CADM2: variants seen among roughly 807,000 people sequenced by gnomAD.
The protein encoded by CADM2 is immunoglobulin superfamily member 4D.
Under a neutral mutation model 49.8 loss-of-function variants are expected in CADM2, and 12 were observed. The ratio of observed to expected loss-of-function variants is 0.24; its 90% CI spans 0.15 to 0.39. The LOEUF is 0.39. Among genes scored for constraint, CADM2 ranks in the 10% least tolerant of loss-of-function variants. The probability of loss-of-function intolerance (pLI) is 1.00; values close to 1 mark genes in which losing one functional copy is unlikely to be tolerated. For missense variants in CADM2, 378 were observed against 492.3 expected (o/e 0.77, Z 2.20); for synonymous variants, 214 against 175.4 (o/e 1.22, Z -1.74).
At chr3:85,809,593 G>C (rs1165720540) in intron 3 of CADM2, among the ~76,000 whole-genome samples, 1 of 151,948 alleles carries the variant, frequency 6.6e-6, no homozygotes, top group Non-Finnish European at 1.5e-5. Flanking sequence ...AGGGAAACTT[G>C]AGTTTTCTTA....
chr3:85,085,482 C>T (rs1440025190), intron 1 of CADM2, among the ~76,000 whole-genome samples: 1 of 151,938 alleles, frequency 6.6e-6, no homozygotes, highest in Non-Finnish European at 1.5e-5. Flanking sequence ...TGTGTACACA[C>T]CACATTTTCT....
chr3:85,268,527 A>G (rs1411003488), intron 1 of CADM2, among the ~76,000 whole-genome samples: 3 of 151,522 alleles, frequency 2.0e-5, no homozygotes, highest in Admixed American at 1.3e-4. Flanking sequence ...TAAATTGAAG[A>G]TTTTACTACT....
chr3:85,964,478 A>G (rs1257619035), intron 8 of CADM2, among the ~76,000 whole-genome samples: 1 of 151,736 alleles, frequency 6.6e-6, no homozygotes, highest in Non-Finnish European at 1.5e-5. Flanking sequence ...ATTTAAGTGC[A>G]CTATTAAGCA....
At chr3:85,118,640 G>A (rs1254665381) in intron 1 of CADM2, among the ~76,000 whole-genome samples, 1 of 152,102 alleles carries the variant, frequency 6.6e-6, no homozygotes, top group Non-Finnish European at 1.5e-5. Flanking sequence ...GGGAATTGTG[G>A]GAGCTACAAT....
chr3:85,369,526 T>C (rs1207232692), intron 1 of CADM2, among the ~76,000 whole-genome samples: 3 of 152,108 alleles, frequency 2.0e-5, no homozygotes, highest in Non-Finnish European at 4.4e-5. Flanking sequence ...CCCAGCACTT[T>C]GGGAGGCTGA....
At chr3:85,134,557 T>A (rs1475410662) in intron 1 of CADM2, among the ~76,000 whole-genome samples, 1 of 152,240 alleles carries the variant, frequency 6.6e-6, no homozygotes, top group African/African-American at 2.4e-5. Flanking sequence ...CAGAGTTGGT[T>A]ATACATGTTT....
intron 1 of CADM2, among the ~76,000 whole-genome samples, chr3:85,326,785 A>G (rs1157479512): frequency 6.6e-6 from 1 of 152,124 alleles, no homozygotes; most frequent in Non-Finnish European, 1.5e-5. Flanking sequence ...AACACTGAAA[A>G]TATTGGATTT....
At chr3:85,546,074 A>G (rs150110760) in intron 1 of CADM2, among the ~76,000 whole-genome samples, 1 of 152,272 alleles carries the variant, frequency 6.6e-6, no homozygotes, top group East Asian at 1.9e-4. Context: ...AGCTCCTCAT[A>G]CAGTAATACC....
intron 8 of CADM2, among the ~76,000 whole-genome samples, chr3:86,030,500 T>C (rs1051567349): frequency 5.9e-5 from 9 of 152,016 alleles, no homozygotes; most frequent in Admixed American, 5.3e-4. Context: ...ATTTCATATT[T>C]ACTCTTCCTT....
At chr3:85,109,177 G>A (rs1423367960) in intron 1 of CADM2, among the ~76,000 whole-genome samples, 1 of 151,972 alleles carries the variant, frequency 6.6e-6, no homozygotes, top group East Asian at 1.9e-4. Context: ...ATGGTTGTAT[G>A]CAAACAAATA....
At chr3:85,478,108 A>G (rs1000709024) in intron 1 of CADM2, among the ~76,000 whole-genome samples, 3 of 151,942 alleles carry the variant, frequency 2.0e-5, no homozygotes, top group African/African-American at 7.2e-5. Flanking sequence ...CATTTCATGG[A>G]CATCTAAACC....
At chr3:85,668,274 C>A (rs2065630570) in intron 1 of CADM2, among the ~76,000 whole-genome samples, 2 of 103,580 alleles carry the variant, frequency 1.9e-5, no homozygotes, top group African/African-American at 4.4e-5. Context: ...ACAGAATAAT[C>A]ATGTTTTCCT....
At chr3:85,490,636 A>T (rs2039632799) in intron 1 of CADM2, among the ~76,000 whole-genome samples, 1 of 152,134 alleles carries the variant, frequency 6.6e-6, no homozygotes, top group Non-Finnish European at 1.5e-5. Flanking sequence ...AATTAATTCC[A>T]GTACTGCTTT....
chr3:84,975,930 TGGG>T (rs536650117), intron 1 of CADM2, among the ~76,000 whole-genome samples: 95 of 151,970 alleles, frequency 6.3e-4, no homozygotes, highest in South Asian at 2.9e-3. Flanking sequence ...GAGTTTAGAA[TGGG>T]GGCTCTGCTT....
At chr3:85,235,238 C>A (rs2107822506) in intron 1 of CADM2, among the ~76,000 whole-genome samples, 1 of 152,184 alleles carries the variant, frequency 6.6e-6, no homozygotes. Flanking sequence ...CACTGAATAT[C>A]TCTTGATCAC....
chr3:86,047,380 C>A (rs1736807036), intron 8 of CADM2, among the ~76,000 whole-genome samples: 1 of 152,080 alleles, frequency 6.6e-6, no homozygotes, highest in African/African-American at 2.4e-5. Flanking sequence ...CAGATGGAAG[C>A]TTTTATCATA....
intron 3 of CADM2, among the ~76,000 whole-genome samples, chr3:85,870,134 C>CT (rs1553700037): frequency 6.6e-6 from 1 of 152,090 alleles, no homozygotes; most frequent in South Asian, 2.1e-4. Flanking sequence ...GCAGCACTGA[C>CT]TTGGTATTTT....
chr3:85,741,827 T>G (rs2068405227), intron 2 of CADM2, among the ~76,000 whole-genome samples: 1 of 152,258 alleles, frequency 6.6e-6, no homozygotes, highest in South Asian at 2.1e-4. Context: ...TGGAACTTAT[T>G]TATTTTCCTT....
chr3:85,263,047 C>T (rs1014620111), intron 1 of CADM2, among the ~76,000 whole-genome samples: 2 of 151,886 alleles, frequency 1.3e-5, no homozygotes, highest in African/African-American at 2.4e-5. Context: ...GGCTGTAGTG[C>T]AGTGGCGCGA....
Sources: allele counts gnomAD v4.1 joint callset (sites outside exome capture counted in the v4.1 genomes callset), GRCh38; gene constraint gnomAD v4.1.1; transcripts MANE v1.5; gene names NCBI Gene and HGNC (gene_info 2026-07-23, HGNC 2026-07-21).